Variants in GABBR2 observed in about 807,000 individuals in gnomAD.
The protein encoded by GABBR2 is G-protein coupled receptor 51.
Under a neutral mutation model 105.6 loss-of-function variants are expected in GABBR2, and 23 were observed. The ratio of observed to expected loss-of-function variants is 0.22; its 90% confidence interval spans 0.16 to 0.31. The LOEUF (loss-of-function observed/expected upper bound fraction) is 0.31, where lower values mean the gene tolerates loss of function less well. Among genes scored for constraint, GABBR2 ranks in the 10% least tolerant of loss-of-function variants. The pLI, the probability that GABBR2 is intolerant of heterozygous loss-of-function variation, is 1.00. For missense variants in GABBR2, 734 were observed against 1,245.5 expected (o/e 0.59, Z 6.18); for synonymous variants, 478 against 499.7 (o/e 0.96, Z 0.58).
In GABBR2 at chr9:98,539,864, C is replaced by T. The variant is rs554891072; in HGVS notation, c.630+2009G>A. The stretch of plus-strand genomic sequence containing the variant: ...CCAGGAGGCAGAGGTTGCAATGAGC[C>T]GAGATTGCGCCAGTGCACTCCAGCC... On this transcript the variant is annotated intron_variant, in intron 3 of 18. Transcript: ENST00000259455. Among the ~76,000 whole-genome samples, 6 of 148,950 alleles carry T rather than the reference C, an allele frequency of 4.0e-5. No individual in the cohort carries two copies. The South Asian group carries it at 6.4e-4, about 16-fold the overall frequency.
chr9:98,627,621 C>T (rs1037851641), intron 1 of GABBR2, among the ~76,000 whole-genome samples: 2 of 152,238 alleles, frequency 1.3e-5, no homozygotes, highest in Non-Finnish European at 2.9e-5. Flanking sequence ...ATCGCCCTGT[C>T]ACACAGAAGT....
intron 2 of GABBR2, 85 bp downstream of exon 2, chr9:98,577,850 C>G: frequency 7.4e-7 from 1 of 1,354,030 alleles, no homozygotes; most frequent in Non-Finnish European, 1.0e-6. Flanking sequence ...ACATAGAAAC[C>G]ACATTGTACA....
intron 2 of GABBR2, among the ~76,000 whole-genome samples, chr9:98,568,003 A>C (rs968821611): frequency 1.3e-5 from 2 of 152,214 alleles, no homozygotes; most frequent in Non-Finnish European, 2.9e-5. Flanking sequence ...TCAGTGAATG[A>C]ATGAATGATT....
chr9:98,643,115 G>C (rs1829987429), intron 1 of GABBR2, among the ~76,000 whole-genome samples: 1 of 152,228 alleles, frequency 6.6e-6, no homozygotes, highest in South Asian at 2.1e-4. Flanking sequence ...CAATCCAGGG[G>C]GCACTGTTGA....
intron 6 of GABBR2, among the ~76,000 whole-genome samples, chr9:98,455,728 C>T (rs145599587): frequency 5.7e-4 from 87 of 152,354 alleles, no homozygotes; most frequent in South Asian, 2.1e-3. Context: ...CCATCAAAGA[C>T]TGTGTCTTCC....
chr9:98,396,252 G>A (rs116580206), intron 8 of GABBR2, among the ~76,000 whole-genome samples: 3,286 of 152,286 alleles, frequency 0.022, 98 homozygotes, highest in African/African-American at 0.064. Flanking sequence ...AAGTGCAGGC[G>A]GGTCCCTTCC....
At chr9:98,624,268 C>G (rs979312561) in intron 1 of GABBR2, among the ~76,000 whole-genome samples, 2 of 152,176 alleles carry the variant, frequency 1.3e-5, no homozygotes, top group Non-Finnish European at 2.9e-5. Context: ...AAGCAGCAGA[C>G]AGGGCCAGGG....
At chr9:98,347,853 G>A (rs946328586) in intron 13 of GABBR2, among the ~76,000 whole-genome samples, 1 of 152,178 alleles carries the variant, frequency 6.6e-6, no homozygotes, top group Non-Finnish European at 1.5e-5. Flanking sequence ...GCCAGGTGGA[G>A]ATAATTGAAT....
At chr9:98,629,871 C>A (rs1019127657) in intron 1 of GABBR2, among the ~76,000 whole-genome samples, 3 of 152,294 alleles carry the variant, frequency 2.0e-5, no homozygotes, top group South Asian at 2.1e-4. Context: ...CCCTTCCCTC[C>A]TCCATTTTAA....
At chr9:98,329,696 T>G (rs1022813320) in intron 13 of GABBR2, among the ~76,000 whole-genome samples, 1 of 152,310 alleles carries the variant, frequency 6.6e-6, no homozygotes, top group East Asian at 1.9e-4. Context: ...TCAGAGTGCT[T>G]TGTCTCTCCC....
intron 12 of GABBR2, among the ~76,000 whole-genome samples, chr9:98,364,480 G>C (rs943476843): frequency 3.9e-5 from 6 of 152,148 alleles, no homozygotes; most frequent in Non-Finnish European, 5.9e-5. Flanking sequence ...CATGAATCTA[G>C]GCATACCCTG....
chr9:98,554,322 T>G (rs1180863494), intron 2 of GABBR2, among the ~76,000 whole-genome samples: 2 of 150,848 alleles, frequency 1.3e-5, no homozygotes, highest in African/African-American at 2.4e-5. Flanking sequence ...ATCATGCCAC[T>G]ACACTCCAGC....
intron 6 of GABBR2, among the ~76,000 whole-genome samples, chr9:98,459,871 AC>A (rs1292228621): frequency 6.6e-6 from 1 of 152,244 alleles, no homozygotes; most frequent in Non-Finnish European, 1.5e-5. Context: ...GCAATTTGCC[AC>A]TACTCTAACT....
At chr9:98,692,039 G>A (rs4517239) in intron 1 of GABBR2, among the ~76,000 whole-genome samples, 122,081 of 152,162 alleles carry the variant, frequency 0.8, 50,080 homozygotes, top group Middle Eastern at 0.91. Context: ...TAGCCGTCCT[G>A]TGAAGCAGGT....
chr9:98,375,778 G>C (rs909420174), intron 11 of GABBR2, among the ~76,000 whole-genome samples: 5 of 152,100 alleles, frequency 3.3e-5, no homozygotes, highest in African/African-American at 1.2e-4. Flanking sequence ...AATGCTCCAG[G>C]GGCATTTCCT....
intron 17 of GABBR2, among the ~76,000 whole-genome samples, chr9:98,294,962 T>C (rs1442591165): frequency 7.9e-5 from 12 of 152,216 alleles, no homozygotes; most frequent in Admixed American, 6.5e-4. Flanking sequence ...TAAAGAAATA[T>C]AAAAATCAGG....
Position 98,607,167 on chromosome 9 carries a change from A to C in GABBR2, c.322-29095T>G, listed in dbSNP as rs1829437869. The C allele has an allele frequency of 1.9e-6, 3 of 1,609,820 alleles. No homozygotes were observed. The South Asian group carries it at 3.3e-5, about 18-fold the overall frequency. On this transcript the variant is annotated intron_variant, in intron 1 of 18. Transcript: ENST00000259455. ...GTTCAGTTGCTGCTCACAATAGTTG[A>C]TACCCCAGGATTTGGAGATGCAGTG... is the stretch of plus-strand genomic sequence containing the variant.
chr9:98,359,216 C>T (rs1220328281), intron 13 of GABBR2, among the ~76,000 whole-genome samples: 1 of 152,018 alleles, frequency 6.6e-6, no homozygotes, highest in Non-Finnish European at 1.5e-5. Flanking sequence ...TCAATTGAGG[C>T]CAGGAGTTTG....
chr9:98,458,369 C>T (rs1930419), intron 6 of GABBR2, among the ~76,000 whole-genome samples: 69,019 of 152,082 alleles, frequency 0.45, 16,091 homozygotes, highest in Middle Eastern at 0.53. Flanking sequence ...TGCTGGTTCC[C>T]GTGCTGCCGT....
Sources: allele counts gnomAD v4.1 joint callset (sites outside exome capture counted in the v4.1 genomes callset), GRCh38; gene constraint gnomAD v4.1.1; transcripts MANE v1.5; gene names NCBI Gene and HGNC (gene_info 2026-07-23, HGNC 2026-07-21).